The following PKHD1L1 variants were observed in gnomAD, a reference collection of about 807,000 sequenced individuals.
PKHD1L1 encodes the protein PKHD1 like 1, also known as fibrocystin-L.
A neutral mutation model predicts 462.9 loss-of-function variants in PKHD1L1; 434 were observed. The observed-to-expected ratio is 0.94, with a 90% CI of 0.87 to 1.02. PKHD1L1 has a LOEUF of 1.02. Among genes scored for constraint, PKHD1L1 ranks in the 50% least tolerant of loss-of-function variants. PKHD1L1 has a pLI of 0.00. For missense variants in PKHD1L1, 5,202 were observed against 5,096.1 expected, an observed-to-expected ratio of 1.02 and a Z score of -0.63; for synonymous variants, 1,781 against 1,750.0, an observed-to-expected ratio of 1.02 and a Z score of -0.44.
intron 6 of PKHD1L1, among the ~76,000 whole-genome samples, chr8:109,386,840 TC>T (rs1812467620): frequency 6.6e-6 from 1 of 152,116 alleles, no homozygotes; most frequent in South Asian, 2.1e-4. Flanking sequence ...ATTCCTTTTT[TC>T]CCCCACTGAA....
rs922841975 is a variant in PKHD1L1 at position 109,470,991 on chromosome 8, C to T, written c.8606-4127C>T. On this transcript the variant is annotated intron_variant, in intron 50 of 77. Transcript: ENST00000378402. ...AAGCAGCTCGAGTCCATAGGCATCC[C>T]GCAGTTTCACAGTCCAGTTGGGTCA... 1.2e-5 allele frequency: 19 copies of T among 1,610,372 alleles called. No individual in the cohort carries two copies. In the African/African-American group the frequency reaches 1.6e-4, roughly 14 times the overall value.
At chr8:109,385,851 CTTA>C (rs1812417753) in intron 6 of PKHD1L1, among the ~76,000 whole-genome samples, 1 of 151,580 alleles carries the variant, frequency 6.6e-6, no homozygotes, top group Non-Finnish European at 1.5e-5. Flanking sequence ...GGTGTAATTT[CTTA>C]TTGTTTTGTG....
In PKHD1L1 at chr8:109,479,442, T is replaced by A. The variant is rs775025418; in HGVS notation, c.9090-109T>A. 9.6e-6 allele frequency: 7 copies of A among 732,592 alleles called. No homozygotes were observed. In the African/African-American group the frequency reaches 1.1e-4, roughly 11 times the overall value. The allele number at this position is 732,592 out of a possible 1,614,324, so 45.4% of individuals were successfully genotyped here. On this transcript the variant is annotated intron_variant, in intron 53 of 77. Coordinates refer to ENST00000378402, the MANE Select transcript of PKHD1L1 (RefSeq NM_177531.6). The stretch of plus-strand genomic sequence containing the variant: ...AAGGACAAAGCGTGCATTTTTTTTC[T>A]TCTCTACCATGTAAAATCTTATGGG...
intron 23 of PKHD1L1, among the ~76,000 whole-genome samples, chr8:109,424,615 T>A (rs1275840327): frequency 6.6e-6 from 1 of 152,208 alleles, no homozygotes; most frequent in Non-Finnish European, 1.5e-5. Context: ...GTATTTTTTT[T>A]TTTAGCCTGG....
rs1386873399 is a variant in PKHD1L1, at chr8:109,508,137, G to A, written c.11268G>A (p.Trp3756Ter). The change falls in exon 70 of 78, where the codon TGG (tryptophan) becomes TGA (stop). Residue 3756 changes from tryptophan (W) to a stop codon, truncating the protein, a stop_gained. Transcript: ENST00000378402. LOFTEE classifies it high-confidence loss of function. ...CAACCTGTAAGTACCTTCCAGAGTG[G>A]CAGAGCTATCAGTGCTTTGGGATGG... Reference protein sequence around the residue: ...RDSTCKYLPEWQSYQCFGMEY... With the variant: ...RDSTCKYLPE The A allele has an allele frequency of 1.2e-6, 2 of 1,612,610 alleles. No individual in the cohort carries two copies. The highest frequency in any genetic ancestry group is 1.7e-5 in the Admixed American group (1 of 59,884).
chr8:109,381,645 T>A, intron 3 of PKHD1L1, 131 bp downstream of exon 3: 2 of 706,368 alleles, frequency 2.8e-6, no homozygotes, highest in East Asian at 6.1e-5. Flanking sequence ...AGGTTAGTAT[T>A]TTTCATTTTG....
intron 28 of PKHD1L1, among the ~76,000 whole-genome samples, chr8:109,434,661 G>T (rs1200724655): frequency 6.6e-6 from 1 of 151,942 alleles, no homozygotes; most frequent in Non-Finnish European, 1.5e-5. Context: ...TAGAGACAGG[G>T]TTTCACCATG....
chr8:109,484,956 T>A (rs1199217582), intron 57 of PKHD1L1, 88 bp from the exon 58 acceptor site: 3 of 1,152,626 alleles, frequency 2.6e-6, no homozygotes, highest in Non-Finnish European at 1.2e-6. Flanking sequence ...GAGATATACA[T>A]TAAATTTGAA....
rs1821142398 is a variant in PKHD1L1, at chr8:109,536,114, T to C, written c.*6024T>C. Among the ~76,000 whole-genome samples the C allele has an allele frequency of 6.6e-6, 1 of 152,200 alleles. No individual in the cohort carries two copies. Among genetic ancestry groups the C allele is most frequent in the African/African-American group, 2.4e-5 (1 of 41,440 alleles). The stretch of plus-strand genomic sequence containing the variant: ...TTGCTGATGACATAAAATTCACCTC[T>C]ATTTCTTGGAAGCACTATTCCATGT... On this transcript the variant is annotated 3_prime_UTR_variant, in exon 78 of 78. Transcript: ENST00000378402.
rs780510588 is a variant in PKHD1L1 at position 109,489,935 on chromosome 8, A to G, written c.9881-17A>G. The G allele has an allele frequency of 7.4e-6, 11 of 1,487,634 alleles. No homozygotes were observed. Among genetic ancestry groups the G allele is most frequent in the Non-Finnish European group, 1.0e-5 (11 of 1,074,832 alleles). The allele number at this position is 1,487,634 out of a possible 1,614,324, so 92.2% of individuals were successfully genotyped here. On this transcript the variant is annotated splice_polypyrimidine_tract_variant and intron_variant, in intron 59 of 77. Transcript: ENST00000378402. ...CTGTTTTAAGAAAAACAAATTTTAA[A>G]TCTTTCCCTACCTTAGGAAATGCAA... is the stretch of plus-strand genomic sequence containing the variant.
At chr8:109,392,499 C>T (rs541340933) in intron 9 of PKHD1L1, among the ~76,000 whole-genome samples, 8 of 151,740 alleles carry the variant, frequency 5.3e-5, no homozygotes, top group Admixed American at 2.6e-4. Flanking sequence ...CCACCCCCCA[C>T]CCATTTTTTT....
chr8:109,529,185 C>A (rs1820960021), intron 77 of PKHD1L1, among the ~76,000 whole-genome samples: 3 of 152,122 alleles, frequency 2.0e-5, no homozygotes, highest in Non-Finnish European at 4.4e-5. Context: ...GCTGGGCTTT[C>A]ATGAATAGCC....
intron 9 of PKHD1L1, among the ~76,000 whole-genome samples, chr8:109,393,168 A>G (rs1376751892): frequency 6.6e-6 from 1 of 152,094 alleles, no homozygotes; most frequent in Non-Finnish European, 1.5e-5. Context: ...ATCTAGTATG[A>G]ATTTCTTAAG....
chr8:109,454,141 G>T (rs748751910), intron 43 of PKHD1L1, 26 bp from the exon 44 acceptor site: 2 of 1,491,702 alleles, frequency 1.3e-6, no homozygotes, highest in South Asian at 1.3e-5. Flanking sequence ...TCCTTGTGAT[G>T]TATTTCAAAA....
At chr8:109,471,028 A>C in intron 50 of PKHD1L1, 1 of 1,606,550 alleles carries the variant, frequency 6.2e-7, no homozygotes, top group Non-Finnish European at 8.5e-7. Context: ...CACTTAAGTC[A>C]ATACAGGCCA....
intron 68 of PKHD1L1, 71 bp downstream of exon 68, chr8:109,504,563 C>T: frequency 2.1e-6 from 2 of 975,022 alleles, no homozygotes; most frequent in Non-Finnish European, 2.9e-6. Flanking sequence ...TGCTCAAGAT[C>T]TGAGAAAGTT....
At position 109,435,257 on chromosome 8, in the gene PKHD1L1, TG is replaced by T; in HGVS notation, c.3409del (p.Asp1137MetfsTer4). 6.2e-7 allele frequency: 1 copy of T among 1,613,920 alleles called. No individual in the cohort carries two copies. The highest frequency in any genetic ancestry group is 8.5e-7 in the Non-Finnish European group (1 of 1,179,812). ...GHAPVAVSMADVGLAQNVGGE... is the reference protein window; with the variant it reads ...GHAPVAVSMAXVGLAQNVGGE... Reference sequence around the variant, plus strand: ...ATGCCCCCGTTGCTGTGTCCATGGCTGATGTTGGACTAGCACAGAATGTAGG... The same window carrying T: ...ATGCCCCCGTTGCTGTGTCCATGGCTATGTTGGACTAGCACAGAATGTAGG... On this transcript the variant is annotated frameshift_variant, in exon 29 of 78. Coordinates refer to ENST00000378402, the MANE Select transcript of PKHD1L1 (RefSeq NM_177531.6). LOFTEE classifies it high-confidence loss of function.
chr8:109,393,609 C>G (rs1267093760), intron 9 of PKHD1L1, among the ~76,000 whole-genome samples: 1 of 152,100 alleles, frequency 6.6e-6, no homozygotes, highest in Non-Finnish European at 1.5e-5. Context: ...ACGTGAGGAG[C>G]CACAGCTCTG....
chr8:109,393,097 G>C (rs1178284705), intron 9 of PKHD1L1, among the ~76,000 whole-genome samples: 1 of 152,108 alleles, frequency 6.6e-6, no homozygotes, highest in Non-Finnish European at 1.5e-5. Flanking sequence ...TATCGCTGGA[G>C]CTAGCATCGT....
Sources: allele counts gnomAD v4.1 joint callset (sites outside exome capture counted in the v4.1 genomes callset), GRCh38; gene constraint gnomAD v4.1.1; transcripts MANE v1.5; gene names NCBI Gene and HGNC (gene_info 2026-07-23, HGNC 2026-07-21).